The following FGD5 variants were observed in gnomAD, a reference collection of about 807,000 sequenced individuals.
FGD5 encodes the protein FYVE, RhoGEF and PH domain containing 5.
In FGD5, 28 loss-of-function variants were observed where a neutral mutation model predicts 133.4. The ratio of observed to expected loss-of-function variants is 0.21; its 90% CI spans 0.16 to 0.29. The LOEUF is 0.29. Among genes scored for constraint, FGD5 ranks in the 10% least tolerant of loss-of-function variants. FGD5 has a pLI of 1.00. For synonymous variants in FGD5, 810 were observed against 776.5 expected (o/e 1.04, Z -0.72); for missense variants, 1,858 against 1,895.2 (o/e 0.98, Z 0.36).
intron 1 of FGD5, among the ~76,000 whole-genome samples, chr3:14,856,886 C>T (rs959700019): frequency 2.6e-5 from 4 of 152,122 alleles, no homozygotes; most frequent in African/African-American, 9.7e-5. Flanking sequence ...CTTTCTCTTG[C>T]CTTATTGCTC....
intron 4 of FGD5, among the ~76,000 whole-genome samples, chr3:14,894,880 G>A (rs1364390748): frequency 6.6e-6 from 1 of 151,578 alleles, no homozygotes; most frequent in Non-Finnish European, 1.5e-5. Context: ...CTGTTATTGC[G>A]TGTCTTTTTG....
chr3:14,923,883 C>A, intron 16 of FGD5, 125 bp from the exon 17 acceptor site: 1 of 1,228,656 alleles, frequency 8.1e-7, no homozygotes, highest in Non-Finnish European at 1.1e-6. Flanking sequence ...GAGTGCTTGA[C>A]TTTCAGGTCC....
At chr3:14,890,276 G>C (rs62241766) in intron 4 of FGD5, among the ~76,000 whole-genome samples, 3,167 of 152,220 alleles carry the variant, frequency 0.021, 54 homozygotes, top group Middle Eastern at 0.034. Context: ...CTGGTTTGCT[G>C]GGTCCTATGC....
Position 14,820,468 on chromosome 3 carries a change from C to T in FGD5, c.1397C>T (p.Ala466Val). Residue 466 changes from alanine to valine, a missense_variant, in exon 1 of 20, where the codon GCA becomes GTA. Around this residue, in one of 3 missense-constraint regions of FGD5, gnomAD observed 1,824 missense variants for 1,848.9 expected, o/e 0.99. Transcript: ENST00000285046. ...YGSKEELNCE[A>V]EGGLVPADRK... ...TCGAAAGAAGAATTGAACTGTGAGG[C>T]AGAGGGTGGCCTGGTTCCCGCGGAC... 6.2e-7 allele frequency: 1 copy of T among 1,613,974 alleles called. No homozygotes were observed. Among genetic ancestry groups the T allele is most frequent in the Admixed American group, 1.7e-5 (1 of 60,028 alleles).
chr3:14,859,554 C>T (rs76873980), intron 1 of FGD5, among the ~76,000 whole-genome samples: 1 of 149,268 alleles, frequency 6.7e-6, no homozygotes, highest in Non-Finnish European at 1.5e-5. Context: ...AGCGAGACCT[C>T]CCCCCAAAAA....
chr3:14,898,179 A>G, intron 6 of FGD5, 84 bp downstream of exon 6: 1 of 1,546,744 alleles, frequency 6.5e-7, no homozygotes, highest in Non-Finnish European at 8.9e-7. Flanking sequence ...TCAGTGGGAC[A>G]TCTTGGTAGG....
intron 11 of FGD5, among the ~76,000 whole-genome samples, chr3:14,911,190 C>T (rs1215179245): frequency 6.6e-6 from 1 of 152,172 alleles, no homozygotes; most frequent in Non-Finnish European, 1.5e-5. Context: ...CTGTCAACCA[C>T]CTTATCTAAT....
chr3:14,907,395 C>G (rs1426863103), intron 9 of FGD5, among the ~76,000 whole-genome samples: 1 of 152,188 alleles, frequency 6.6e-6, no homozygotes, highest in Non-Finnish European at 1.5e-5. Flanking sequence ...CAGAGAAACA[C>G]AGGGATGCTG....
chr3:14,908,482 T>G (rs1178389649), intron 10 of FGD5, among the ~76,000 whole-genome samples: 2 of 151,896 alleles, frequency 1.3e-5, no homozygotes, highest in Non-Finnish European at 2.9e-5. Context: ...GACACAGTCT[T>G]GAGCACCATG....
chr3:14,861,089 T>C (rs2037389638), intron 1 of FGD5, among the ~76,000 whole-genome samples: 1 of 152,176 alleles, frequency 6.6e-6, no homozygotes. Flanking sequence ...GTGTTATAAA[T>C]GAGTTAACTT....
chr3:14,894,171 T>C (rs1233097093), intron 4 of FGD5, among the ~76,000 whole-genome samples: 1 of 152,214 alleles, frequency 6.6e-6, no homozygotes, highest in Non-Finnish European at 1.5e-5. Flanking sequence ...TGAGATCCAC[T>C]TTTTTAGCTA....
intron 5 of FGD5, 57 bp from the exon 6 acceptor site, chr3:14,897,882 C>T: frequency 6.2e-7 from 1 of 1,605,510 alleles, no homozygotes; most frequent in Non-Finnish European, 8.5e-7. Context: ...CTGCTTCTAA[C>T]CCTGCGTTGG....
intron 4 of FGD5, among the ~76,000 whole-genome samples, chr3:14,895,774 G>T (rs2038124367): frequency 6.6e-6 from 1 of 152,014 alleles, no homozygotes; most frequent in Non-Finnish European, 1.5e-5. Flanking sequence ...TTGCCATGTT[G>T]CCTAGGCTGA....
At chr3:14,828,947 C>A (rs1292438415) in intron 1 of FGD5, among the ~76,000 whole-genome samples, 1 of 151,158 alleles carries the variant, frequency 6.6e-6, no homozygotes, top group Non-Finnish European at 1.5e-5. Flanking sequence ...GCACTCATGA[C>A]CTTGCCTGGC....
chr3:14,891,747 A>G (rs1318505365), intron 4 of FGD5, among the ~76,000 whole-genome samples: 4 of 152,072 alleles, frequency 2.6e-5, no homozygotes, highest in Non-Finnish European at 4.4e-5. Context: ...TTTAAACTCC[A>G]CATCTGCTCT....
chr3:14,867,134 T>G (rs766592379), intron 2 of FGD5, among the ~76,000 whole-genome samples: 2 of 152,248 alleles, frequency 1.3e-5, no homozygotes, highest in African/African-American at 4.8e-5. Context: ...TGTAAATCAC[T>G]GCAGATGAGG....
At chr3:14,815,683 T>A (rs889118543), upstream of FGD5, among the ~76,000 whole-genome samples, 1 of 152,238 alleles carries the variant, frequency 6.6e-6, no homozygotes, top group African/African-American at 2.4e-5. Context: ...ACTGCCCAGC[T>A]GTTTCTGGTC....
intron 2 of FGD5, among the ~76,000 whole-genome samples, chr3:14,873,878 T>C (rs1253861150): frequency 6.6e-6 from 1 of 152,052 alleles, no homozygotes. Flanking sequence ...CACGCCACCA[T>C]GCCAGACTAA....
At chr3:14,872,077 T>C (rs901992747) in intron 2 of FGD5, among the ~76,000 whole-genome samples, 5 of 152,220 alleles carry the variant, frequency 3.3e-5, no homozygotes, top group African/African-American at 9.6e-5. Flanking sequence ...CTCTGGCCCA[T>C]GTGCAGCAAT....
Sources: allele counts gnomAD v4.1 joint callset (sites outside exome capture counted in the v4.1 genomes callset), GRCh38; gene constraint gnomAD v4.1.1; regional missense constraint gnomAD v4.1.1; transcripts MANE v1.5; gene names NCBI Gene and HGNC (gene_info 2026-07-23, HGNC 2026-07-21).